CECR2: variants seen among roughly 807,000 people sequenced by gnomAD.
CECR2 encodes the protein CECR2 histone acetyl-lysine reader.
Under a neutral mutation model 154.5 loss-of-function variants are expected in CECR2, and 30 were observed. The ratio of observed to expected loss-of-function variants is 0.19; its 90% CI spans 0.15 to 0.26. The LOEUF (loss-of-function observed/expected upper bound fraction) is 0.26, where lower values mean the gene tolerates loss of function less well. CECR2 is among the 10% of genes least tolerant of loss of function. The pLI, the probability that CECR2 is intolerant of heterozygous loss-of-function variation, is 1.00. For synonymous variants in CECR2, 725 were observed against 683.7 expected, an observed-to-expected ratio of 1.06 and a Z score of -0.94; for missense variants, 1,743 against 1,829.3, an observed-to-expected ratio of 0.95 and a Z score of 0.86.
chr22:17,444,639 C>A (rs114039759), intron 1 of CECR2, among the ~76,000 whole-genome samples: 1 of 151,972 alleles, frequency 6.6e-6, no homozygotes, highest in Non-Finnish European at 1.5e-5. Flanking sequence ...ACTTGAACTA[C>A]CACCATCAAG....
At chr22:17,379,581 G>GGTGTGTGTGTGTGT (rs60634016) in intron 1 of CECR2, among the ~76,000 whole-genome samples, 30 of 137,904 alleles carry the variant, frequency 2.2e-4, no homozygotes, top group South Asian at 5.0e-4. Flanking sequence ...CTACGTTGAA[G>GGTGTGTGTGTGTGT]GTGTGTGTGT....
Position 17,499,520 on chromosome 22 carries a change from A to G in CECR2, c.516A>G (p.Gly172=), listed in dbSNP as rs781322518. The G allele has an allele frequency of 1.2e-6, 2 of 1,612,636 alleles. No individual in the cohort carries two copies. Among genetic ancestry groups the G allele is most frequent in the African/African-American group, 2.7e-5 (2 of 74,904 alleles). Residue 172 remains glycine (G), a synonymous_variant, in exon 4 of 19, where the codon GGA becomes GGG. Transcript: ENST00000262608. The part of the protein sequence containing the change: ...TRMYKEDPVQ[G]KSNGELSLSR... ...TGTACAAAGAGGACCCGGTGCAAGGAAAATCCAATGGAGAACTCTCTTTGA... is the reference window on the plus strand; with the variant it reads ...TGTACAAAGAGGACCCGGTGCAAGGGAAATCCAATGGAGAACTCTCTTTGA...
chr22:17,504,781 T>C (rs1453167639), intron 6 of CECR2, 66 bp from the exon 7 acceptor site: 4 of 1,449,100 alleles, frequency 2.8e-6, no homozygotes, highest in Non-Finnish European at 3.8e-6. Context: ...AGAAACAAAA[T>C]TGAGAATAAA....
rs887468757 is a variant in CECR2 at position 17,491,582 on chromosome 22, T to TGTG, written c.222-5820_222-5819insTGG. On this transcript the variant is annotated intron_variant, in intron 2 of 18. Coordinates refer to ENST00000262608, the MANE Select transcript of CECR2 (RefSeq NM_001290047.2). Reference sequence around the variant, plus strand: ...GCTTCTTATTCTGTGTGTGTGTGTGTGGGGGGGTGGGTGTTTAGCAGTCGT... The same window carrying TGTG: ...GCTTCTTATTCTGTGTGTGTGTGTGTGTGGGGGGGGTGGGTGTTTAGCAGTCGT... Among the ~76,000 whole-genome samples the TGTG allele has an allele frequency of 6.7e-3, 694 of 103,260 alleles. 30 individuals are homozygous for TGTG. The highest frequency in any genetic ancestry group is 0.021 in the African/African-American group (673 of 31,544). The allele number at this position is 103,260 out of a possible 152,430, so 67.7% of individuals were successfully genotyped here. A position where few individuals can be genotyped will look rare whatever the true frequency, so the allele number is the denominator to read the frequency against.
In CECR2 at chr22:17,541,871, G is replaced by A. The variant is rs1409631689; in HGVS notation, c.1917G>A (p.Leu639=). ...RPAVPGTFGP[L]RGSDPATLYG... ...CAGTACCAGGAACATTTGGCCCTCTGCGAGGATCAGATCCTGCCACCTTGT... is the reference window on the plus strand; with the variant it reads ...CAGTACCAGGAACATTTGGCCCTCTACGAGGATCAGATCCTGCCACCTTGT... Residue 639 remains leucine (L), a synonymous_variant, in exon 15 of 19, where the codon CTG becomes CTA. Transcript: ENST00000262608. 8 of 1,613,822 alleles carry A rather than the reference G, an allele frequency of 5.0e-6. 1 individual carries two copies. The South Asian group carries it at 7.7e-5, about 16-fold the overall frequency.
chr22:17,397,719 G>A (rs905522308), intron 1 of CECR2, among the ~76,000 whole-genome samples: 4 of 151,860 alleles, frequency 2.6e-5, no homozygotes, highest in East Asian at 1.9e-4. Context: ...GGATGGTCTC[G>A]ATCTCCTGAC....
chr22:17,383,065 A>G (rs910960148), intron 1 of CECR2, among the ~76,000 whole-genome samples: 2 of 152,132 alleles, frequency 1.3e-5, no homozygotes, highest in Non-Finnish European at 2.9e-5. Context: ...TCTCTACTAA[A>G]AAATACAAAA....
rs1486829078 is a variant in CECR2, at chr22:17,377,730, C to A, written c.126+7821C>A. On this transcript the variant is annotated intron_variant, in intron 1 of 18. Coordinates refer to ENST00000262608, the MANE Select transcript of CECR2 (RefSeq NM_001290047.2). Reference sequence around the variant, plus strand: ...TTTGCATATTTCATGGGATGCTATCCCTTGGATGCTTTTATTATATCTTTA... The same window carrying A: ...TTTGCATATTTCATGGGATGCTATCACTTGGATGCTTTTATTATATCTTTA... 1.2e-4 allele frequency among the ~76,000 whole-genome samples: 18 copies of A among 152,256 alleles called. No homozygotes were observed. In the East Asian group the frequency reaches 2.9e-3, roughly 24 times the overall value.
Position 17,423,488 on chromosome 22 carries a change from C to G in CECR2, c.126+53579C>G, listed in dbSNP as rs144869052. ...CGCCACTGCACTCCAGCCTGGGCGACTGAGCGAGACTCTGTCTCAAAAAAA... is the reference window on the plus strand; with the variant it reads ...CGCCACTGCACTCCAGCCTGGGCGAGTGAGCGAGACTCTGTCTCAAAAAAA... On this transcript the variant is annotated intron_variant, in intron 1 of 18. Transcript: ENST00000262608. Among the ~76,000 whole-genome samples, 86 of 143,486 alleles carry G rather than the reference C, an allele frequency of 6.0e-4. 2 individuals carry two copies. The East Asian group carries it at 0.017, about 28-fold the overall frequency. The allele number at this position is 143,486 out of a possible 152,430, so 94.1% of individuals were successfully genotyped here.
intron 1 of CECR2, chr22:17,360,100 A>G (rs1487506050): frequency 6.6e-6 from 1 of 152,274 alleles, no homozygotes; most frequent in African/African-American, 2.4e-5. Flanking sequence ...GGATCAGGAA[A>G]CAATCCCAAA....
At chr22:17,488,324 T>A (rs1282392651) in intron 2 of CECR2, among the ~76,000 whole-genome samples, 1 of 152,268 alleles carries the variant, frequency 6.6e-6, no homozygotes, top group African/African-American at 2.4e-5. Context: ...TTCTGTTAAG[T>A]ACGTTCATCG....
intron 1 of CECR2, among the ~76,000 whole-genome samples, chr22:17,362,953 T>C (rs1487016433): frequency 2.0e-5 from 3 of 151,510 alleles, no homozygotes; most frequent in African/African-American, 7.3e-5. Flanking sequence ...GTTTCTTCCT[T>C]TAGGTGCCTC....
At chr22:17,408,655 A>G (rs1227727082) in intron 1 of CECR2, among the ~76,000 whole-genome samples, 7 of 152,218 alleles carry the variant, frequency 4.6e-5, no homozygotes, top group Admixed American at 3.3e-4. Context: ...TAATGCTACT[A>G]TCAGTTCACA....
At chr22:17,399,199 C>A (rs565451058) in intron 1 of CECR2, among the ~76,000 whole-genome samples, 3 of 152,138 alleles carry the variant, frequency 2.0e-5, no homozygotes, top group Non-Finnish European at 4.4e-5. Context: ...GGAGGTGGGA[C>A]GCCAGATGCC....
At chr22:17,524,392 T>C (rs1228284668) in intron 9 of CECR2, 121 bp downstream of exon 9, 14 of 983,260 alleles carry the variant, frequency 1.4e-5, no homozygotes, top group Admixed American at 6.8e-5. Flanking sequence ...AATTTCTTTT[T>C]TTTTTTTTTT....
chr22:17,480,879 A>G (rs1423357964), intron 2 of CECR2, among the ~76,000 whole-genome samples: 1 of 151,662 alleles, frequency 6.6e-6, no homozygotes, highest in Non-Finnish European at 1.5e-5. Flanking sequence ...GTCTCTACTA[A>G]AAATACAAAA....
At chr22:17,468,237 C>G (rs2055066598) in intron 1 of CECR2, among the ~76,000 whole-genome samples, 1 of 152,126 alleles carries the variant, frequency 6.6e-6, no homozygotes, top group Non-Finnish European at 1.5e-5. Context: ...TGGGCTCTTT[C>G]AAGGTGTCTA....
intron 1 of CECR2, among the ~76,000 whole-genome samples, chr22:17,415,505 G>A (rs1317877957): frequency 6.6e-6 from 1 of 152,214 alleles, no homozygotes; most frequent in African/African-American, 2.4e-5. Flanking sequence ...GCCTCCCAAA[G>A]TGCTGGGATT....
chr22:17,546,507 A>AT, intron 16 of CECR2, among the ~76,000 whole-genome samples: 1 of 151,210 alleles, frequency 6.6e-6, no homozygotes, highest in African/African-American at 2.4e-5. Flanking sequence ...AAAAAAAAAA[A>AT]TCCTGTTTAG....
Sources: allele counts gnomAD v4.1 joint callset (sites outside exome capture counted in the v4.1 genomes callset), GRCh38; gene constraint gnomAD v4.1.1; transcripts MANE v1.5; gene names NCBI Gene and HGNC (gene_info 2026-07-23, HGNC 2026-07-21).